The following CRPPA variants were observed in gnomAD, a reference collection of about 807,000 sequenced individuals.
CRPPA encodes CDP-L-ribitol pyrophosphorylase A.
A neutral mutation model predicts 52.0 loss-of-function variants in CRPPA; 43 were observed. The ratio of observed to expected loss-of-function variants is 0.83; its 90% CI spans 0.65 to 1.07. The LOEUF is 1.07. Among genes scored for constraint, CRPPA ranks in the 50% least tolerant of loss-of-function variants. CRPPA has a pLI of 0.00. For missense variants in CRPPA, 629 were observed against 551.7 expected (o/e 1.14, Z -1.40); for synonymous variants, 250 against 203.5 (o/e 1.23, Z -1.94).
At chr7:16,336,710 C>T (rs771408790) in intron 3 of CRPPA, among the ~76,000 whole-genome samples, 13 of 151,916 alleles carry the variant, frequency 8.6e-5, no homozygotes, top group Non-Finnish European at 1.8e-4. Context: ...GGAGTAAAAA[C>T]TAAACAGGAT....
chr7:16,366,881 T>C (rs1786607730), intron 3 of CRPPA, among the ~76,000 whole-genome samples: 1 of 151,738 alleles, frequency 6.6e-6, no homozygotes, highest in Non-Finnish European at 1.5e-5. Flanking sequence ...ATCACCAAGA[T>C]TGTCAATTTA....
chr7:16,322,186 G>T (rs142953176), intron 3 of CRPPA, among the ~76,000 whole-genome samples: 7 of 151,976 alleles, frequency 4.6e-5, no homozygotes, highest in African/African-American at 1.5e-4. Flanking sequence ...TCTAATATAC[G>T]TAATATTGGC....
intron 8 of CRPPA, among the ~76,000 whole-genome samples, chr7:16,218,361 G>C (rs1211135216): frequency 7.6e-6 from 1 of 131,434 alleles, no homozygotes; most frequent in Non-Finnish European, 1.6e-5. Flanking sequence ...AGACCATCGA[G>C]ACTAGGAAGA....
intron 3 of CRPPA, among the ~76,000 whole-genome samples, chr7:16,346,603 T>C (rs553964222): frequency 1.3e-5 from 2 of 152,244 alleles, no homozygotes; most frequent in South Asian, 4.1e-4. Context: ...GGCTGAATTA[T>C]TTGTCATAAT....
At chr7:16,114,047 A>C (rs1340048303) in intron 9 of CRPPA, among the ~76,000 whole-genome samples, 1 of 152,042 alleles carries the variant, frequency 6.6e-6, no homozygotes, top group Non-Finnish European at 1.5e-5. Context: ...AACTGATCAA[A>C]CTTGAAATGC....
At chr7:16,142,417 G>C (rs921821454) in intron 9 of CRPPA, among the ~76,000 whole-genome samples, 1 of 152,138 alleles carries the variant, frequency 6.6e-6, no homozygotes, top group African/African-American at 2.4e-5. Flanking sequence ...CCTCTTTCAA[G>C]AATAAAGTTC....
intron 6 of CRPPA, among the ~76,000 whole-genome samples, chr7:16,263,344 T>C (rs57733941): frequency 0.018 from 2,800 of 152,350 alleles, 101 homozygotes; most frequent in African/African-American, 0.064. Context: ...AATACTGGGC[T>C]CATTCATACC....
At chr7:16,329,968 T>C (rs1483954640) in intron 3 of CRPPA, among the ~76,000 whole-genome samples, 1 of 152,222 alleles carries the variant, frequency 6.6e-6, no homozygotes, top group Non-Finnish European at 1.5e-5. Flanking sequence ...CCTAAATTTA[T>C]CTCAAAAGGT....
intron 3 of CRPPA, among the ~76,000 whole-genome samples, chr7:16,340,077 C>T (rs750468857): frequency 1.3e-5 from 2 of 152,046 alleles, no homozygotes; most frequent in Non-Finnish European, 2.9e-5. Context: ...TCTAGAAAGA[C>T]TTTACATCTT....
At chr7:16,117,963 C>G (rs1328894819) in intron 9 of CRPPA, among the ~76,000 whole-genome samples, 1 of 152,142 alleles carries the variant, frequency 6.6e-6, no homozygotes. Flanking sequence ...TAAAACATAA[C>G]AGGTCAGTGT....
chr7:16,241,270 T>G (rs1269134077), intron 8 of CRPPA, among the ~76,000 whole-genome samples: 2 of 152,180 alleles, frequency 1.3e-5, no homozygotes, highest in African/African-American at 4.8e-5. Context: ...TATTGTAATG[T>G]CAATAAACTA....
At chr7:16,279,622 GA>G (rs933998423) in intron 5 of CRPPA, among the ~76,000 whole-genome samples, 1 of 152,200 alleles carries the variant, frequency 6.6e-6, no homozygotes, top group Non-Finnish European at 1.5e-5. Context: ...TGTGGAGAGA[GA>G]AACTGGAGAC....
intron 3 of CRPPA, among the ~76,000 whole-genome samples, chr7:16,335,186 G>GAA (rs1785650387): frequency 1.5e-5 from 2 of 132,894 alleles, no homozygotes; most frequent in East Asian, 2.3e-4. Context: ...AAAGGAAAAA[G>GAA]AATAAAAAAA....
At chr7:16,378,176 C>T (rs1035108964) in intron 2 of CRPPA, among the ~76,000 whole-genome samples, 39 of 151,642 alleles carry the variant, frequency 2.6e-4, no homozygotes, top group African/African-American at 5.8e-4. Context: ...TAGTTACATA[C>T]GTATACATGT....
chr7:16,358,150 G>C (rs1431047964), intron 3 of CRPPA, among the ~76,000 whole-genome samples: 1 of 151,450 alleles, frequency 6.6e-6, no homozygotes, highest in Non-Finnish European at 1.5e-5. Flanking sequence ...AGGCCAGACT[G>C]GCAGAGAAAA....
At chr7:16,200,231 T>C (rs537235795) in intron 9 of CRPPA, among the ~76,000 whole-genome samples, 1 of 152,308 alleles carries the variant, frequency 6.6e-6, no homozygotes, top group South Asian at 2.1e-4. Context: ...TAAACTTCAA[T>C]CACCTCTCAG....
intron 5 of CRPPA, among the ~76,000 whole-genome samples, chr7:16,298,047 A>AT (rs912717242): frequency 1.5e-4 from 22 of 151,686 alleles, no homozygotes; most frequent in Non-Finnish European, 2.7e-4. Flanking sequence ...ATATTTTGGA[A>AT]TTTTTTTTTA....
intron 8 of CRPPA, among the ~76,000 whole-genome samples, chr7:16,251,446 A>T (rs898530425): frequency 2.6e-5 from 4 of 152,190 alleles, no homozygotes; most frequent in African/African-American, 7.2e-5. Context: ...ACCACATCAC[A>T]CTTACTCTAA....
At chr7:16,262,426 G>A (rs1186474384) in intron 6 of CRPPA, among the ~76,000 whole-genome samples, 1 of 152,042 alleles carries the variant, frequency 6.6e-6, no homozygotes, top group Non-Finnish European at 1.5e-5. Context: ...TTCAATCACT[G>A]TTAATCTCTT....
Sources: allele counts gnomAD v4.1 joint callset (sites outside exome capture counted in the v4.1 genomes callset), GRCh38; gene constraint gnomAD v4.1.1; transcripts MANE v1.5; gene names NCBI Gene and HGNC (gene_info 2026-07-23, HGNC 2026-07-21).